The following TRAK1 variants were observed in gnomAD, a reference collection of about 807,000 sequenced individuals.
TRAK1 encodes trafficking kinesin protein 1.
TRAK1 carries 33 observed loss-of-function variants against 92.1 expected under a neutral mutation model. The observed-to-expected ratio is 0.36, with a 90% CI of 0.27 to 0.48. TRAK1 has a LOEUF of 0.48. TRAK1 is among the 20% of genes least tolerant of loss of function. The pLI is 0.99. For synonymous variants in TRAK1, 521 were observed against 517.3 expected, an observed-to-expected ratio of 1.01 and a Z score of -0.10; for missense variants, 1,123 against 1,257.9, an observed-to-expected ratio of 0.89 and a Z score of 1.62.
At position 42,223,405 on chromosome 3, in the gene TRAK1, G is replaced by A. The variant is rs762731873; in HGVS notation, c.2530G>A (p.Val844Met). 3 of 1,614,182 alleles carry A rather than the reference G, an allele frequency of 1.9e-6. No individual in the cohort carries two copies. The highest frequency in any genetic ancestry group is 1.7e-5 in the Admixed American group (1 of 60,028). ...TDVSVSNLNLVDKVRRFGVAK... is the reference protein window; with the variant it reads ...TDVSVSNLNLMDKVRRFGVAK... ...CGTGTCCGTCTCCAACCTCAACCTC[G>A]TGGACAAAGTCAGGAGGTTTGGGGT... The change falls in exon 16 of 16, where the codon GTG becomes ATG. Residue 844 changes from valine (V) to methionine (M), a missense_variant. Val to Met is a conservative substitution (Grantham distance 21). Coordinates refer to ENST00000327628, the MANE Select transcript of TRAK1 (RefSeq NM_001042646.3). This position sits in a 1 kb window ranked among gnomAD's most constrained non-coding sequence, Gnocchi z 6.1.
chr3:42,112,760 AC>A, intron 1 of TRAK1, among the ~76,000 whole-genome samples: 1 of 146,634 alleles, frequency 6.8e-6, no homozygotes, highest in East Asian at 2.0e-4. Context: ...AAAAAAACCA[AC>A]TAATTTTTTG....
intron 1 of TRAK1, among the ~76,000 whole-genome samples, chr3:42,092,075 C>T (rs781411198): frequency 1.8e-4 from 28 of 152,180 alleles, no homozygotes; most frequent in East Asian, 1.2e-3. Flanking sequence ...CCCTCTCTCC[C>T]GTTTCCCTCT....
intron 2 of TRAK1, among the ~76,000 whole-genome samples, chr3:42,159,824 C>T (rs1701036021): frequency 6.6e-6 from 1 of 152,214 alleles, no homozygotes; most frequent in South Asian, 2.1e-4. Flanking sequence ...CTTAAGCCCG[C>T]CCACAGGAAG....
upstream of TRAK1, among the ~76,000 whole-genome samples, chr3:42,087,794 G>T (rs1052483115): frequency 6.6e-6 from 1 of 152,192 alleles, no homozygotes; most frequent in African/African-American, 2.4e-5. Flanking sequence ...GGAATAACAT[G>T]CACTGTCATT....
intron 1 of TRAK1, among the ~76,000 whole-genome samples, chr3:42,094,022 A>G (rs1026408361): frequency 1.3e-5 from 2 of 151,894 alleles, no homozygotes; most frequent in Non-Finnish European, 2.9e-5. Flanking sequence ...CTTTTCATGT[A>G]TATAATGTAT....
chr3:42,103,364 AG>A (rs1378923085), intron 1 of TRAK1, among the ~76,000 whole-genome samples: 2 of 151,946 alleles, frequency 1.3e-5, no homozygotes, highest in East Asian at 1.9e-4. Flanking sequence ...TAGTAGAGAC[AG>A]GGTTTTGCTG....
upstream of TRAK1, among the ~76,000 whole-genome samples, chr3:42,089,431 A>G (rs1399407527): frequency 1.3e-5 from 2 of 151,940 alleles, no homozygotes; most frequent in Admixed American, 6.6e-5. Context: ...CTCTCCTCCA[A>G]ACTTCCAGTG....
At chr3:42,188,215 C>A in intron 5 of TRAK1, 70 bp downstream of exon 5, 5 of 1,459,070 alleles carry the variant, frequency 3.4e-6, no homozygotes, top group Non-Finnish European at 4.8e-6. Flanking sequence ...TCCTTGGAGT[C>A]ACCTAGACAG....
intron 1 of TRAK1, among the ~76,000 whole-genome samples, chr3:42,061,014 A>C (rs1033549609): frequency 2.0e-5 from 3 of 149,954 alleles, no homozygotes; most frequent in African/African-American, 7.6e-5. Flanking sequence ...CTGACCCTCC[A>C]AGGGACTTAA....
chr3:42,018,332 C>T (rs1212271753), intron 1 of TRAK1, among the ~76,000 whole-genome samples: 1 of 151,900 alleles, frequency 6.6e-6, no homozygotes, highest in Non-Finnish European at 1.5e-5. Context: ...ACCTTGTTTT[C>T]CCTGAGGTTC....
intron 1 of TRAK1, among the ~76,000 whole-genome samples, chr3:42,119,696 C>G (rs147457428): frequency 0.016 from 2,509 of 152,298 alleles, 45 homozygotes; most frequent in Non-Finnish European, 0.024. Flanking sequence ...AAGGGCATGA[C>G]TTGGAAGTTC....
chr3:42,027,708 A>G (rs1701972786), intron 1 of TRAK1, among the ~76,000 whole-genome samples: 1 of 152,200 alleles, frequency 6.6e-6, no homozygotes. Flanking sequence ...TGAAATGGGT[A>G]ACTAATTATT....
At chr3:42,033,585 C>CTCAA (rs61686568) in intron 1 of TRAK1, among the ~76,000 whole-genome samples, 164 of 151,598 alleles carry the variant, frequency 1.1e-3, no homozygotes, top group African/African-American at 2.9e-3. Context: ...AAGACCCTGT[C>CTCAA]TCAATCAATC....
chr3:42,045,080 G>A (rs73828516), intron 1 of TRAK1, among the ~76,000 whole-genome samples: 21,020 of 152,076 alleles, frequency 0.14, 2,065 homozygotes, highest in African/African-American at 0.27. Context: ...TCCTGAGGAT[G>A]CATTTCATAG....
chr3:42,220,998 A>G lies in TRAK1; in HGVS notation c.2066+1402A>G, dbSNP rs570859570. Among the ~76,000 whole-genome samples, 6 of 151,532 alleles carry G rather than the reference A, an allele frequency of 4.0e-5. No individual in the cohort carries two copies. In the East Asian group the frequency reaches 9.7e-4, roughly 25 times the overall value. On this transcript the variant is annotated intron_variant, in intron 15 of 15. Coordinates refer to ENST00000327628, the MANE Select transcript of TRAK1 (RefSeq NM_001042646.3). Reference sequence around the variant, plus strand: ...CTCCTGACTGTAGCCATAGGACTCAAACCAAACACAGGTTTTCATGTGGCT... The same window carrying G: ...CTCCTGACTGTAGCCATAGGACTCAGACCAAACACAGGTTTTCATGTGGCT...
chr3:42,183,765 A>C (rs1704383086), intron 3 of TRAK1, among the ~76,000 whole-genome samples: 1 of 152,166 alleles, frequency 6.6e-6, no homozygotes, highest in Non-Finnish European at 1.5e-5. Flanking sequence ...ATAGACTTCT[A>C]AAATGATTTA....
At chr3:42,104,919 G>A (rs577914858) in intron 1 of TRAK1, among the ~76,000 whole-genome samples, 2 of 150,168 alleles carry the variant, frequency 1.3e-5, no homozygotes, top group East Asian at 3.9e-4. Context: ...AAAGGAGGAT[G>A]TTCAAACCCA....
chr3:42,030,372 A>AAAAAATAT (rs540353037), intron 1 of TRAK1, among the ~76,000 whole-genome samples: 10 of 132,310 alleles, frequency 7.6e-5, no homozygotes, highest in South Asian at 2.5e-4. Flanking sequence ...TAAAAAAAAA[A>AAAAAATAT]ATATATATAT....
At chr3:42,121,000 C>G (rs1178107658) in intron 1 of TRAK1, among the ~76,000 whole-genome samples, 1 of 152,194 alleles carries the variant, frequency 6.6e-6, no homozygotes, top group Non-Finnish European at 1.5e-5. Flanking sequence ...CCCAGCATTT[C>G]AAGTGCACCC....
Sources: allele counts gnomAD v4.1 joint callset (sites outside exome capture counted in the v4.1 genomes callset), GRCh38; gene constraint gnomAD v4.1.1; non-coding constraint Gnocchi (gnomAD v3.1); transcripts MANE v1.5; gene names NCBI Gene and HGNC (gene_info 2026-07-23, HGNC 2026-07-21).